DPP10: variants seen among roughly 807,000 people sequenced by gnomAD.
DPP10 encodes dipeptidyl peptidase like 10, also known as inactive dipeptidyl peptidase 10.
In DPP10, 33 loss-of-function variants were observed where a neutral mutation model predicts 120.9. The ratio of observed to expected loss-of-function variants is 0.27; its 90% CI spans 0.21 to 0.37. DPP10 has a LOEUF of 0.37. DPP10 is among the 10% of genes least tolerant of loss of function. DPP10 has a pLI of 1.00. For missense variants in DPP10, 816 were observed against 942.8 expected (o/e 0.87, Z 1.76); for synonymous variants, 337 against 326.1 (o/e 1.03, Z -0.36).
chr2:114,879,012 A>G (rs1363432606), intron 1 of DPP10, among the ~76,000 whole-genome samples: 1 of 152,028 alleles, frequency 6.6e-6, no homozygotes, highest in East Asian at 1.9e-4. Flanking sequence ...AAGGTGTGTG[A>G]TTATCTTTTC....
intron 1 of DPP10, among the ~76,000 whole-genome samples, chr2:115,111,025 G>A (rs2049188837): frequency 6.6e-6 from 1 of 152,112 alleles, no homozygotes; most frequent in Non-Finnish European, 1.5e-5. Context: ...TCAAAATTAT[G>A]TGAATATGCA....
At chr2:114,897,881 C>T (rs1404650360) in intron 1 of DPP10, among the ~76,000 whole-genome samples, 6 of 151,734 alleles carry the variant, frequency 4.0e-5, no homozygotes, top group Admixed American at 6.6e-5. Flanking sequence ...GAAATAGGAA[C>T]ACTTTTACAC....
intron 1 of DPP10, among the ~76,000 whole-genome samples, chr2:115,088,517 T>C (rs1165425896): frequency 6.6e-6 from 1 of 152,082 alleles, no homozygotes. Context: ...GGCCTGATCA[T>C]GGCTCACAGC....
At chr2:115,468,611 C>T in intron 3 of DPP10, 1 of 384,800 alleles carries the variant, frequency 2.6e-6, no homozygotes. Flanking sequence ...TGTGTGGCAC[C>T]ATCTCCCATG....
chr2:114,912,939 G>A (rs991960028), intron 1 of DPP10, among the ~76,000 whole-genome samples: 7 of 152,154 alleles, frequency 4.6e-5, no homozygotes, highest in African/African-American at 1.7e-4. Flanking sequence ...ATCCTCCAAG[G>A]CTTGCCATGC....
chr2:115,057,899 G>T (rs553636898), intron 1 of DPP10, among the ~76,000 whole-genome samples: 1 of 152,326 alleles, frequency 6.6e-6, no homozygotes, highest in Non-Finnish European at 1.5e-5. Context: ...GTTTGAGTTT[G>T]TGTGAGAAGT....
At chr2:114,726,653 TAAAG>T (rs1702069833) in intron 1 of DPP10, among the ~76,000 whole-genome samples, 1 of 152,166 alleles carries the variant, frequency 6.6e-6, no homozygotes, top group Non-Finnish European at 1.5e-5. Context: ...AAATAGAAAA[TAAAG>T]CTTCTGAAAC....
At chr2:114,535,388 A>T (rs1293215122) in intron 1 of DPP10, among the ~76,000 whole-genome samples, 1 of 152,210 alleles carries the variant, frequency 6.6e-6, no homozygotes, top group Non-Finnish European at 1.5e-5. Context: ...AATTAGCCAA[A>T]TTGGGAAAAT....
chr2:115,262,714 T>C (rs930986879), intron 1 of DPP10, among the ~76,000 whole-genome samples: 1 of 152,186 alleles, frequency 6.6e-6, no homozygotes, highest in African/African-American at 2.4e-5. Flanking sequence ...TGCTTAGAAA[T>C]TTCACTTTAA....
At chr2:115,236,905 G>A (rs534593723) in intron 1 of DPP10, among the ~76,000 whole-genome samples, 5 of 152,214 alleles carry the variant, frequency 3.3e-5, no homozygotes, top group South Asian at 4.2e-4. Context: ...TTTCGGGAAT[G>A]GGGCATTACA....
intron 5 of DPP10, among the ~76,000 whole-genome samples, chr2:115,577,974 T>G (rs1430182684): frequency 2.6e-5 from 4 of 152,196 alleles, no homozygotes; most frequent in Admixed American, 1.3e-4. Flanking sequence ...ATTATTACAA[T>G]TATTAATTCC....
At chr2:115,381,928 G>A (rs1196551900) in intron 3 of DPP10, among the ~76,000 whole-genome samples, 19 of 152,166 alleles carry the variant, frequency 1.2e-4, no homozygotes, top group East Asian at 5.8e-4. Flanking sequence ...CTCCAGCTGC[G>A]TGCTGGGAGA....
chr2:115,273,188 C>A (rs2059771610), intron 1 of DPP10, among the ~76,000 whole-genome samples: 2 of 152,120 alleles, frequency 1.3e-5, no homozygotes, highest in Admixed American at 6.5e-5. Flanking sequence ...GTGTGGAGTA[C>A]ATTTCTTTTC....
chr2:114,971,715 CAAAATAT>C (rs1699407584), intron 1 of DPP10, among the ~76,000 whole-genome samples: 1 of 140,254 alleles, frequency 7.1e-6, no homozygotes, highest in Admixed American at 7.0e-5. Context: ...GATATTAAAC[CAAAATAT>C]GAGATTAATT....
At chr2:114,761,187 G>A (rs1204563366) in intron 1 of DPP10, among the ~76,000 whole-genome samples, 1 of 152,128 alleles carries the variant, frequency 6.6e-6, no homozygotes, top group Non-Finnish European at 1.5e-5. Context: ...CCAGTGTACA[G>A]TATTCCAATG....
chr2:114,682,041 C>T (rs1467525520), intron 1 of DPP10, among the ~76,000 whole-genome samples: 1 of 151,946 alleles, frequency 6.6e-6, no homozygotes, highest in Non-Finnish European at 1.5e-5. Flanking sequence ...AGTCCCATCC[C>T]TTCAATGGAA....
At chr2:115,382,482 T>A (rs999541242) in intron 3 of DPP10, among the ~76,000 whole-genome samples, 6 of 152,188 alleles carry the variant, frequency 3.9e-5, no homozygotes, top group African/African-American at 1.4e-4. Flanking sequence ...GAGATGAACC[T>A]GGTACCTCAG....
intron 1 of DPP10, among the ~76,000 whole-genome samples, chr2:114,467,503 A>T (rs1461152440): frequency 1.3e-5 from 2 of 152,202 alleles, no homozygotes; most frequent in African/African-American, 4.8e-5. Flanking sequence ...TAGAGATCAG[A>T]GTTGGTTCAT....
chr2:115,371,782 A>G (rs1281137743), intron 3 of DPP10, among the ~76,000 whole-genome samples: 2 of 152,168 alleles, frequency 1.3e-5, no homozygotes, highest in Non-Finnish European at 2.9e-5. Context: ...TACTATTAAT[A>G]GAGGAAAGTT....
Sources: gnomAD v4.1 joint callset for allele counts (sites outside exome capture counted in the v4.1 genomes callset) on GRCh38, gnomAD v4.1.1 for gene constraint, MANE v1.5 for transcripts, NCBI Gene and HGNC (gene_info 2026-07-23, HGNC 2026-07-21) for gene names.